Variants in NCALD observed in about 807,000 individuals in gnomAD.
The protein encoded by NCALD is neurocalcin delta.
A neutral mutation model predicts 18.6 loss-of-function variants in NCALD; 10 were observed. The observed-to-expected ratio is 0.54, with a 90% CI of 0.33 to 0.91. NCALD has a LOEUF of 0.91. Ranked by LOEUF, NCALD falls within the 40% of genes least tolerant of loss-of-function variation. The probability of loss-of-function intolerance (pLI) is 0.03; values close to 1 mark genes in which losing one functional copy is unlikely to be tolerated. For synonymous variants in NCALD, 88 were observed against 87.4 expected (o/e 1.01, Z -0.04); for missense variants, 184 against 247.6 (o/e 0.74, Z 1.72).
At chr8:101,734,996 G>A (rs1817010278) in intron 1 of NCALD, among the ~76,000 whole-genome samples, 1 of 152,044 alleles carries the variant, frequency 6.6e-6, no homozygotes, top group South Asian at 2.1e-4. Flanking sequence ...GAAATTAGGA[G>A]GTGCCCCAAA....
chr8:101,804,043 G>A (rs1327981563), intron 4 of NCALD, among the ~76,000 whole-genome samples: 1 of 151,898 alleles, frequency 6.6e-6, no homozygotes, highest in African/African-American at 2.4e-5. Flanking sequence ...TCGCCAGCCT[G>A]ATCAGTCAGC....
chr8:102,026,084 C>T (rs1190457454), intron 1 of NCALD, among the ~76,000 whole-genome samples: 1 of 152,120 alleles, frequency 6.6e-6, no homozygotes, highest in Non-Finnish European at 1.5e-5. Flanking sequence ...AGTTGCCTCC[C>T]ACCAGATCCC....
chr8:101,997,845 G>C (rs1455562708), intron 2 of NCALD, among the ~76,000 whole-genome samples: 1 of 152,138 alleles, frequency 6.6e-6, no homozygotes, highest in Non-Finnish European at 1.5e-5. Flanking sequence ...GGCTACAGTG[G>C]ATGTTTTTCC....
intron 4 of NCALD, among the ~76,000 whole-genome samples, chr8:101,829,469 T>G (rs975888771): frequency 6.6e-6 from 1 of 152,254 alleles, no homozygotes; most frequent in Admixed American, 6.5e-5. Flanking sequence ...TAACATTTTG[T>G]GTACTTCTGG....
chr8:102,082,224 C>CTT (rs1362023921), intron 1 of NCALD, among the ~76,000 whole-genome samples: 2 of 109,404 alleles, frequency 1.8e-5, no homozygotes, highest in African/African-American at 7.6e-5. Flanking sequence ...GAGAAGCTCT[C>CTT]TCTTTTTTTT....
At chr8:101,928,103 C>A (rs1181846409) in intron 2 of NCALD, among the ~76,000 whole-genome samples, 1 of 152,184 alleles carries the variant, frequency 6.6e-6, no homozygotes, top group Non-Finnish European at 1.5e-5. Flanking sequence ...AAGCCTCACA[C>A]AGCAACTGTA....
chr8:101,957,936 C>T (rs1819697021), intron 2 of NCALD, among the ~76,000 whole-genome samples: 1 of 152,160 alleles, frequency 6.6e-6, no homozygotes, highest in Non-Finnish European at 1.5e-5. Flanking sequence ...TTCCTACCAC[C>T]ACCATAAAAA....
At chr8:101,704,002 GAGGGAGAGCCTC>G (rs1464531879) in intron 2 of NCALD, among the ~76,000 whole-genome samples, 16 of 152,300 alleles carry the variant, frequency 1.1e-4, no homozygotes, top group African/African-American at 3.6e-4. Context: ...CCATCAGCCA[GAGGGAGAGCCTC>G]ATGATTTGTG....
intron 1 of NCALD, among the ~76,000 whole-genome samples, chr8:101,734,504 G>A (rs1165979484): frequency 6.6e-6 from 1 of 152,216 alleles, no homozygotes; most frequent in Non-Finnish European, 1.5e-5. Context: ...CGCCATTCCT[G>A]ACAGATGCTT....
Position 102,097,225 on chromosome 8 carries a change from A to G in NCALD, c.-210+27012T>C, listed in dbSNP as rs143407217. On this transcript the variant is annotated intron_variant, in intron 1 of 6. Coordinates refer to the NCALD transcript ENST00000311028. ...TAAAAAGTGAGACTAACAGTTAGGAACCACAGAGGAACTAGCACAGGAGAA... is the reference window on the plus strand; with the variant it reads ...TAAAAAGTGAGACTAACAGTTAGGAGCCACAGAGGAACTAGCACAGGAGAA... 1.9e-3 allele frequency among the ~76,000 whole-genome samples: 293 copies of G among 152,332 alleles called. 3 individuals are homozygous for G. Among genetic ancestry groups the G allele is most frequent in the African/African-American group, 6.2e-3 (259 of 41,570 alleles).
chr8:101,854,855 A>C (rs2131344851), intron 4 of NCALD, among the ~76,000 whole-genome samples: 1 of 152,334 alleles, frequency 6.6e-6, no homozygotes, highest in Middle Eastern at 3.4e-3. Flanking sequence ...CATCTTACAC[A>C]ATAAACCTCA....
intron 3 of NCALD, among the ~76,000 whole-genome samples, chr8:101,897,156 C>A (rs1817216844): frequency 1.1e-5 from 1 of 89,538 alleles, no homozygotes; most frequent in African/African-American, 5.0e-5. Flanking sequence ...GAAAATGTGG[C>A]ACATATACAC....
intron 4 of NCALD, among the ~76,000 whole-genome samples, chr8:101,831,173 G>A (rs574013532): frequency 3.3e-5 from 5 of 152,156 alleles, no homozygotes; most frequent in African/African-American, 1.2e-4. Context: ...TCTTTTGCAA[G>A]CAATAGATTC....
intron 2 of NCALD, among the ~76,000 whole-genome samples, chr8:102,019,923 T>C (rs1822215035): frequency 6.6e-6 from 1 of 152,140 alleles, no homozygotes; most frequent in Non-Finnish European, 1.5e-5. Context: ...CATCTTAAGG[T>C]GATAATGAAT....
At chr8:101,828,354 C>T (rs1243511310) in intron 4 of NCALD, among the ~76,000 whole-genome samples, 1 of 152,152 alleles carries the variant, frequency 6.6e-6, no homozygotes, top group Non-Finnish European at 1.5e-5. Context: ...CTTCCTCTCC[C>T]CGTCACTCAT....
chr8:102,116,719 G>A (rs562629587), intron 1 of NCALD, among the ~76,000 whole-genome samples: 7 of 151,756 alleles, frequency 4.6e-5, no homozygotes, highest in Non-Finnish European at 8.8e-5. Context: ...TGTTGGCCAG[G>A]CTGTTTTTGA....
At chr8:101,895,203 T>C (rs1188884439) in intron 3 of NCALD, among the ~76,000 whole-genome samples, 3 of 150,100 alleles carry the variant, frequency 2.0e-5, no homozygotes, top group African/African-American at 7.6e-5. Context: ...GCAAGGCTGG[T>C]TCGATATACG....
At chr8:101,821,601 G>A (rs1450475180) in intron 4 of NCALD, among the ~76,000 whole-genome samples, 2 of 152,056 alleles carry the variant, frequency 1.3e-5, no homozygotes, top group African/African-American at 2.4e-5. Flanking sequence ...AGCCCTCCAC[G>A]AGGTCCTGTT....
intron 2 of NCALD, among the ~76,000 whole-genome samples, chr8:101,701,453 C>T (rs1200009480): frequency 6.6e-6 from 1 of 152,154 alleles, no homozygotes; most frequent in African/African-American, 2.4e-5. Context: ...TTTGGGACAC[C>T]CAGGAGCCCA....
Sources: allele counts gnomAD v4.1 joint callset (sites outside exome capture counted in the v4.1 genomes callset), GRCh38; gene constraint gnomAD v4.1.1; transcripts MANE v1.5; gene names NCBI Gene and HGNC (gene_info 2026-07-23, HGNC 2026-07-21).